Variants in PITRM1 observed in about 807,000 individuals in gnomAD.
PITRM1 encodes the protein presequence protease, mitochondrial.
In PITRM1, 100 loss-of-function variants were observed where a neutral mutation model predicts 129.9. The ratio of observed to expected loss-of-function variants is 0.77; its 90% CI spans 0.65 to 0.91. The LOEUF is 0.91. Ranked by LOEUF, PITRM1 falls within the 40% of genes least tolerant of loss-of-function variation. PITRM1 has a pLI of 0.00. For synonymous variants in PITRM1, 591 were observed against 508.8 expected (o/e 1.16, Z -2.17); for missense variants, 1,471 against 1,318.3 (o/e 1.12, Z -1.79).
In PITRM1 at chr10:3,159,955, T is replaced by C. The variant is rs759769564; in HGVS notation, c.919-19A>G. ...ATTCCCTCTGTAAAATGACGTGACG[T>C]TGTGAGTAGGCACAGTGTCTGACGG... On this transcript the variant is annotated intron_variant, in intron 8 of 26. Transcript: ENST00000224949. 6.5e-7 allele frequency: 1 copy of C among 1,532,786 alleles called. No homozygotes were observed. Among genetic ancestry groups the C allele is most frequent in the South Asian group, 1.2e-5 (1 of 85,100 alleles). The allele number at this position is 1,532,786 out of a possible 1,614,324, so 94.9% of individuals were successfully genotyped here.
chr10:3,150,496 G>C (rs568971289), intron 15 of PITRM1, among the ~76,000 whole-genome samples: 70 of 152,296 alleles, frequency 4.6e-4, no homozygotes, highest in African/African-American at 1.7e-3. Context: ...ACAGGACACA[G>C]GGATGCCCAG....
chr10:3,140,721 T>C lies in PITRM1; in HGVS notation c.2737A>G (p.Ser913Gly). 1 of 1,598,620 alleles carries C rather than the reference T, an allele frequency of 6.3e-7. No homozygotes were observed. The highest frequency in any genetic ancestry group is 8.5e-7 in the Non-Finnish European group (1 of 1,172,104). Residue 913 changes from serine (S) to glycine (G), a missense_variant, in exon 24 of 27, where the codon AGC becomes GGC. By Grantham distance (56) the Ser-to-Gly change is moderately conservative. Coordinates refer to ENST00000224949, the MANE Select transcript of PITRM1 (RefSeq NM_014889.4). ...GGAYGGGAKL[S>G]HNGIFTLYSY... Reference sequence around the variant, plus strand: ...TAAAGGGTGAAAATCCCATTGTGGCTGAGTTTTGCGCCTCCACCATAAGCA... The same window carrying C: ...TAAAGGGTGAAAATCCCATTGTGGCCGAGTTTTGCGCCTCCACCATAAGCA...
chr10:3,138,042 T>G lies in PITRM1; in HGVS notation c.3103A>C (p.Ile1035Leu). The part of the protein sequence containing the change: ...NPKIAKDPSW[I>L]IQ Reference sequence around the variant, plus strand: ...AGCGCCACGGCTGCTCATTGGATGATCCAGGATGGGTCCTTGGCAATTTTC... The same window carrying G: ...AGCGCCACGGCTGCTCATTGGATGAGCCAGGATGGGTCCTTGGCAATTTTC... The change falls in exon 27 of 27, where the codon ATC becomes CTC. Residue 1035 changes from isoleucine to leucine, a missense_variant. Ile to Leu is a conservative substitution (Grantham distance 5). Coordinates refer to ENST00000224949, the MANE Select transcript of PITRM1 (RefSeq NM_014889.4). 1 of 1,604,696 alleles carries G rather than the reference T, an allele frequency of 6.2e-7. No homozygotes were observed. The highest frequency in any genetic ancestry group is 1.1e-5 in the South Asian group (1 of 89,104).
rs1841915281 is a variant in PITRM1, at chr10:3,155,652, C to T, written c.1560G>A (p.Thr520=). The T allele has an allele frequency of 5.6e-6, 9 of 1,613,806 alleles. No individual in the cohort carries two copies. Among genetic ancestry groups the T allele is most frequent in the Admixed American group, 1.7e-5 (1 of 59,992 alleles). Reference sequence around the variant, plus strand: ...GAGCCTCGACCTTCTGCTTGAGCTTCGTGGCTTCCACCTGTGCCTGCTTCT... The same window carrying T: ...GAGCCTCGACCTTCTGCTTGAGCTTTGTGGCTTCCACCTGTGCCTGCTTCT... ...YHEKQAQVEA[T]KLKQKVEALS... The change falls in exon 14 of 27, where the codon ACG becomes ACA. Residue 520 remains threonine, a synonymous_variant. Coordinates refer to ENST00000224949, the MANE Select transcript of PITRM1 (RefSeq NM_014889.4).
Position 3,163,806 on chromosome 10 carries a change from C to T in PITRM1, c.710G>A (p.Gly237Asp), listed in dbSNP as rs372357030. 72 of 1,612,298 alleles carry T rather than the reference C, an allele frequency of 4.5e-5. No individual in the cohort carries two copies. The highest frequency in any genetic ancestry group is 5.9e-5 in the Non-Finnish European group (69 of 1,178,810). The change falls in exon 7 of 27, where the codon GGT becomes GAT. Residue 237 changes from glycine to aspartate, a missense_variant. Coordinates refer to ENST00000224949, the MANE Select transcript of PITRM1 (RefSeq NM_014889.4). ...PDHTYSVVSG[G>D]DPLCIPELTW... ...AAGCTCCGGGATGCACAGTGGGTCA[C>T]CCCCGGAGACCACTGAGTACGTGTG... is the stretch of plus-strand genomic sequence containing the variant.
rs185711000 is a variant in PITRM1, at chr10:3,140,755, T to C, written c.2703A>G (p.Glu901=). The C allele has an allele frequency of 2.5e-6, 4 of 1,595,426 alleles. No homozygotes were observed. Among genetic ancestry groups the C allele is most frequent in the African/African-American group, 2.7e-5 (2 of 74,794 alleles). ...CGCCTCCACCATAAGCACCGCCTTT[T>C]TCTCGAATTTCTGTATGCAAGAATT... ...TAKFLHTEIR[E]KGGAYGGGAK... is the part of the protein sequence containing the mutation. The change falls in exon 24 of 27, where the codon GAA becomes GAG. Residue 901 remains glutamate (E), a synonymous_variant. Coordinates refer to ENST00000224949, the MANE Select transcript of PITRM1 (RefSeq NM_014889.4).
rs1304513709 is a variant in PITRM1 at position 3,172,698 on chromosome 10, T to C, written c.56+19A>G. The C allele has an allele frequency of 2.0e-6, 3 of 1,533,136 alleles. No homozygotes were observed. The highest frequency in any genetic ancestry group is 2.6e-6 in the Non-Finnish European group (3 of 1,140,950). 95.0% of individuals were successfully genotyped at this position (1,533,136 alleles called of 1,614,324 possible). On this transcript the variant is annotated intron_variant, in intron 1 of 26. Coordinates refer to ENST00000224949, the MANE Select transcript of PITRM1 (RefSeq NM_014889.4). ...CCCGGGTACCAGCGCGCCGAGCGCC[T>C]CCCGTCGCAGCGTCTCACCCGCCGC...
In PITRM1 at chr10:3,145,593, T is replaced by C. The variant is rs1232928877; in HGVS notation, c.2457+3A>G. ...ACCGGGCGCCAGCACCACCAGTGCATACCTCGACCGTGTGTGGGCGCACAG... is the reference window on the plus strand; with the variant it reads ...ACCGGGCGCCAGCACCACCAGTGCACACCTCGACCGTGTGTGGGCGCACAG... On this transcript the variant is annotated splice_donor_region_variant and intron_variant, in intron 21 of 26. Transcript: ENST00000224949. 5.8e-6 allele frequency: 9 copies of C among 1,549,612 alleles called. No individual in the cohort carries two copies. The highest frequency in any genetic ancestry group is 7.8e-6 in the Non-Finnish European group (9 of 1,146,856).
rs1842182991 is a variant in PITRM1 at position 3,158,764 on chromosome 10, C to T, written c.1136+150G>A. The T allele has an allele frequency of 3.0e-5, 21 of 698,980 alleles. No homozygotes were observed. In the South Asian group the frequency reaches 4.1e-4, roughly 14 times the overall value. 43.3% of individuals were successfully genotyped at this position (698,980 alleles called of 1,614,324 possible). A position where few individuals can be genotyped will look rare whatever the true frequency, so the allele number is the denominator to read the frequency against. ...GTACCATGAGACACTCAGCAACTTC[C>T]TGGTCCGCCATCTTCCGATTATAGC... On this transcript the variant is annotated intron_variant, in intron 10 of 26. Coordinates refer to ENST00000224949, the MANE Select transcript of PITRM1 (RefSeq NM_014889.4).
At position 3,159,058 on chromosome 10, in the gene PITRM1, A is replaced by G; in HGVS notation, c.1008-16T>C. 1 of 1,603,466 alleles carries G rather than the reference A, an allele frequency of 6.2e-7. No individual in the cohort carries two copies. The highest frequency in any genetic ancestry group is 8.5e-7 in the Non-Finnish European group (1 of 1,175,870). ...GTCGGTGATGCTGCATTGAAAAAAA[A>G]AGGAACGGGGAGGTAAGAAAAGAGT... On this transcript the variant is annotated splice_polypyrimidine_tract_variant and intron_variant, in intron 9 of 26. Coordinates refer to ENST00000224949, the MANE Select transcript of PITRM1 (RefSeq NM_014889.4).
chr10:3,160,128 CCAT>C (rs1842325153), intron 8 of PITRM1, 73 bp downstream of exon 8: 4 of 1,476,104 alleles, frequency 2.7e-6, no homozygotes, highest in Non-Finnish European at 2.8e-6. Flanking sequence ...ATCTGAAATC[CCAT>C]CATCAATACC....
chr10:3,160,454 AG>A, intron 7 of PITRM1, 124 bp from the exon 8 acceptor site: 2 of 756,576 alleles, frequency 2.6e-6, no homozygotes, highest in South Asian at 3.5e-5. Flanking sequence ...TTTCGGTTTC[AG>A]TCACCCTTAC....
Position 3,155,636 on chromosome 10 carries a change from C to A in PITRM1, c.1576G>T (p.Val526Phe). Reference protein sequence around the residue: ...QVEATKLKQKVEALSPGDRQQ... With the variant: ...QVEATKLKQKFEALSPGDRQQ... ...CTGTCTCCGGGGGACAGAGCCTCGA[C>A]CTTCTGCTTGAGCTTCGTGGCTTCC... Residue 526 changes from valine to phenylalanine, a missense_variant, in exon 14 of 27, where the codon GTC becomes TTC. Coordinates refer to ENST00000224949, the MANE Select transcript of PITRM1 (RefSeq NM_014889.4). 1 of 1,613,942 alleles carries A rather than the reference C, an allele frequency of 6.2e-7. No homozygotes were observed. Among genetic ancestry groups the A allele is most frequent in the Non-Finnish European group, 8.5e-7 (1 of 1,179,884 alleles).
At chr10:3,165,355 G>C in intron 5 of PITRM1, 21 bp from the exon 6 acceptor site, 1 of 1,596,424 alleles carries the variant, frequency 6.3e-7, no homozygotes. Context: ...ATCATTATAA[G>C]CTGATAGTGA....
At position 3,137,901 on chromosome 10, in the gene PITRM1, G is replaced by A. The variant is rs747089612; in HGVS notation, c.*130C>T. The stretch of plus-strand genomic sequence containing the variant: ...TAAGATAGATCTGAGTTTTTGACTC[G>A]CCAGTCAAGGGCTTTGGCGACACTC... On this transcript the variant is annotated 3_prime_UTR_variant, in exon 27 of 27. Transcript: ENST00000224949. 18 of 624,198 alleles carry A rather than the reference G, an allele frequency of 2.9e-5. No individual in the cohort carries two copies. Among genetic ancestry groups the A allele is most frequent in the Non-Finnish European group, 4.2e-5 (15 of 353,312 alleles). The allele number at this position is 624,198 out of a possible 1,614,324, so 38.7% of individuals were successfully genotyped here. A position where few individuals can be genotyped will look rare whatever the true frequency, so the allele number is the denominator to read the frequency against.
Position 3,159,934 on chromosome 10 carries a change from C to T in PITRM1, c.921G>A (p.Arg307=). Residue 307 remains arginine, a splice_region_variant and synonymous_variant, in exon 9 of 27, where the codon AGG becomes AGA. Coordinates refer to ENST00000224949, the MANE Select transcript of PITRM1 (RefSeq NM_014889.4). ...VPAQTPWDKP[R]EFQITCGPDS... ...CCGGGCCACATGTTATCTGGAATTC[C>T]CTCTGTAAAATGACGTGACGTTGTG... 1 of 1,593,780 alleles carries T rather than the reference C, an allele frequency of 6.3e-7. No individual in the cohort carries two copies. The highest frequency in any genetic ancestry group is 8.6e-7 in the Non-Finnish European group (1 of 1,168,082).
At chr10:3,152,333 A>G (rs1012132329) in intron 14 of PITRM1, among the ~76,000 whole-genome samples, 1 of 151,366 alleles carries the variant, frequency 6.6e-6, no homozygotes, top group Non-Finnish European at 1.5e-5. Context: ...TGATTCCACG[A>G]CTCCCGGGGA....
At chr10:3,156,757 C>G (rs918188706) in intron 13 of PITRM1, among the ~76,000 whole-genome samples, 173 bp downstream of exon 13, 3 of 152,150 alleles carry the variant, frequency 2.0e-5, no homozygotes, top group African/African-American at 7.2e-5. Context: ...ACTCAACTTG[C>G]ATTACAATCT....
In PITRM1 at chr10:3,163,997, T is replaced by C. The variant is rs1588708488; in HGVS notation, c.631-112A>G. ...TTCTGGTGCATACACCTGTAATACTTTGCAAATAAAGCTGTTCTAATGGTT... is the reference window on the plus strand; with the variant it reads ...TTCTGGTGCATACACCTGTAATACTCTGCAAATAAAGCTGTTCTAATGGTT... On this transcript the variant is annotated intron_variant, in intron 6 of 26. Coordinates refer to ENST00000224949, the MANE Select transcript of PITRM1 (RefSeq NM_014889.4). 6.5e-6 allele frequency: 4 copies of C among 615,744 alleles called. No homozygotes were observed. The East Asian group carries it at 1.3e-4, about 20-fold the overall frequency. 38.1% of individuals were successfully genotyped at this position (615,744 alleles called of 1,614,324 possible).
Sources: allele counts gnomAD v4.1 joint callset (sites outside exome capture counted in the v4.1 genomes callset), GRCh38; gene constraint gnomAD v4.1.1; transcripts MANE v1.5; gene names NCBI Gene and HGNC (gene_info 2026-07-23, HGNC 2026-07-21).